The following STXBP4 variants were observed in gnomAD, a reference collection of about 807,000 sequenced individuals.
STXBP4 encodes the protein syntaxin-binding protein 4.
STXBP4 carries 55 observed loss-of-function variants against 76.1 expected under a neutral mutation model. The observed-to-expected ratio is 0.72, with a 90% CI of 0.58 to 0.91. STXBP4 has a LOEUF of 0.91. Ranked by LOEUF, STXBP4 falls within the 40% of genes least tolerant of loss-of-function variation. The pLI is 0.00. For synonymous variants in STXBP4, 201 were observed against 220.2 expected, an observed-to-expected ratio of 0.91 and a Z score of 0.77; for missense variants, 618 against 636.9, an observed-to-expected ratio of 0.97 and a Z score of 0.32.
At chr17:55,200,291 G>A in the STXBP4 span, among the ~76,000 whole-genome samples, 6 of 152,086 alleles carry the variant, frequency 3.9e-5, no homozygotes, top group Non-Finnish European at 4.4e-5. Context: ...TCACAATGTG[G>A]CCATACCATG....
intron 8 of STXBP4, among the ~76,000 whole-genome samples, chr17:55,029,531 T>A (rs2078470302): frequency 6.6e-6 from 1 of 151,724 alleles, no homozygotes; most frequent in Non-Finnish European, 1.5e-5. Flanking sequence ...AACATTTTTA[T>A]AACTGAAGAG....
intron 16 of STXBP4, among the ~76,000 whole-genome samples, chr17:55,134,732 C>G (rs244309): frequency 0.64 from 97,036 of 152,030 alleles, 31,839 homozygotes; most frequent in African/African-American, 0.79. Flanking sequence ...ATCTCACACT[C>G]TCCTGAGGAA....
chr17:55,080,974 A>T, intron 15 of STXBP4, 76 bp from the exon 16 acceptor site: 1 of 1,273,732 alleles, frequency 7.9e-7, no homozygotes, highest in Non-Finnish European at 1.0e-6. Context: ...TCTATAACTG[A>T]TACAACTTCA....
intron 12 of STXBP4, among the ~76,000 whole-genome samples, chr17:55,052,925 G>T (rs1432306673): frequency 7.3e-6 from 1 of 137,616 alleles, no homozygotes; most frequent in Non-Finnish European, 1.5e-5. Context: ...ACGTGTGTGT[G>T]TGTGTGTGTG....
intron 8 of STXBP4, among the ~76,000 whole-genome samples, chr17:55,010,513 T>C (rs1356426550): frequency 6.6e-6 from 1 of 152,154 alleles, no homozygotes; most frequent in East Asian, 1.9e-4. Flanking sequence ...CTTCAAAGTA[T>C]GAATAGTATA....
chr17:54,969,236 C>G (rs2077346412), intron 1 of STXBP4, among the ~76,000 whole-genome samples: 1 of 152,282 alleles, frequency 6.6e-6, no homozygotes, highest in East Asian at 1.9e-4. Flanking sequence ...GAGGCTGTCA[C>G]GCTGAAGTTT....
At chr17:55,079,064 T>G (rs1183135258) in intron 15 of STXBP4, among the ~76,000 whole-genome samples, 1 of 152,220 alleles carries the variant, frequency 6.6e-6, no homozygotes, top group Non-Finnish European at 1.5e-5. Context: ...TCAAAGTTAC[T>G]GGTCACAGGT....
At chr17:54,976,501 C>A (rs2077476500) in intron 1 of STXBP4, among the ~76,000 whole-genome samples, 1 of 152,220 alleles carries the variant, frequency 6.6e-6, no homozygotes, top group African/African-American at 2.4e-5. Flanking sequence ...CAGATCATTG[C>A]ATCTGGACAA....
intron 16 of STXBP4, among the ~76,000 whole-genome samples, chr17:55,122,810 A>C (rs1316364467): frequency 6.6e-6 from 1 of 152,198 alleles, no homozygotes; most frequent in Non-Finnish European, 1.5e-5. Flanking sequence ...GATTAAAGTA[A>C]AAGAAGAAAC....
At chr17:55,154,193 G>A (rs2080251044) in intron 17 of STXBP4, among the ~76,000 whole-genome samples, 4 of 152,008 alleles carry the variant, frequency 2.6e-5, no homozygotes, top group Admixed American at 6.6e-5. Context: ...TTCGGTTGGC[G>A]GATAATGAGT....
At chr17:55,177,578 C>T (rs775453391), downstream of STXBP4, among the ~76,000 whole-genome samples, 8 of 152,210 alleles carry the variant, frequency 5.3e-5, no homozygotes, top group African/African-American at 1.7e-4. Flanking sequence ...GGAAGCACAC[C>T]AGAGCCAACA....
intron 16 of STXBP4, among the ~76,000 whole-genome samples, chr17:55,137,273 TTCCCTCCC>T (rs1200591951): frequency 1.4e-5 from 2 of 145,706 alleles, no homozygotes; most frequent in Admixed American, 1.4e-4. Flanking sequence ...CACCTCCATG[TTCCCTCCC>T]TCCCTCCCTC....
intron 16 of STXBP4, among the ~76,000 whole-genome samples, chr17:55,126,623 A>G (rs1431175011): frequency 1.3e-5 from 2 of 152,218 alleles, no homozygotes; most frequent in African/African-American, 4.8e-5. Flanking sequence ...CAAATTTTAC[A>G]TCAAAAGAAA....
In STXBP4 at chr17:55,116,761, A is replaced by T. The variant is rs533170877; in HGVS notation, c.1490-24549A>T. On this transcript the variant is annotated intron_variant, in intron 16 of 17. Transcript: ENST00000376352. ...TCTTATTTGAGTGGAAGCCAAAAAA[A>T]CTTTGGGCCTTTGTGCTCTCCTGTT... 2.6e-5 allele frequency among the ~76,000 whole-genome samples: 4 copies of T among 151,928 alleles called. No homozygotes were observed. In the East Asian group the frequency reaches 5.8e-4, roughly 22 times the overall value.
chr17:55,078,718 T>TGATAAA lies in STXBP4; in HGVS notation c.1338_1339insGATAAA (p.Thr446_Pro447insAspLys). ...AAGAAGTATTTTCTGATAATTCTAC[T>TGATAAA]CCTTTATCAAATTTAAGGTAAGAAA... On this transcript the variant is annotated inframe_insertion, in exon 15 of 18. Transcript: ENST00000376352. The TGATAAA allele has an allele frequency of 1.9e-6, 3 of 1,561,996 alleles. No individual in the cohort carries two copies. The highest frequency in any genetic ancestry group is 2.7e-5 in the African/African-American group (2 of 73,946).
At chr17:54,972,241 T>C (rs896836251) in intron 1 of STXBP4, among the ~76,000 whole-genome samples, 8 of 152,344 alleles carry the variant, frequency 5.3e-5, no homozygotes, top group African/African-American at 1.7e-4. Flanking sequence ...CTTTGTGTTT[T>C]GTAGGGAGAA....
chr17:55,047,984 CTA>C (rs1229853101), intron 12 of STXBP4, among the ~76,000 whole-genome samples: 1 of 151,730 alleles, frequency 6.6e-6, no homozygotes, highest in Non-Finnish European at 1.5e-5. Context: ...TAGAGAGAAA[CTA>C]TGAATTAGAT....
chr17:55,141,470 T>G, intron 17 of STXBP4, 103 bp downstream of exon 17: 1,105 of 907,120 alleles, frequency 1.2e-3, no homozygotes, highest in Non-Finnish European at 1.6e-3. Context: ...TCTTGGAGGT[T>G]ACAAAAATTA....
intron 1 of STXBP4, among the ~76,000 whole-genome samples, chr17:54,977,674 A>T (rs556095952): frequency 2.6e-5 from 4 of 152,318 alleles, no homozygotes; most frequent in African/African-American, 9.6e-5. Flanking sequence ...CAGGGAAAAT[A>T]GTCATTCCTG....
Sources: gnomAD v4.1 joint callset for allele counts (sites outside exome capture counted in the v4.1 genomes callset) on GRCh38, gnomAD v4.1.1 for gene constraint, MANE v1.5 for transcripts, NCBI Gene and HGNC (gene_info 2026-07-23, HGNC 2026-07-21) for gene names.